The following NR3C2 variants were observed in gnomAD, a reference collection of about 807,000 sequenced individuals.
The protein encoded by NR3C2 is nuclear receptor subfamily 3 group C member 2, also known as mineralocorticoid receptor.
NR3C2 carries 15 observed loss-of-function variants against 86.4 expected under a neutral mutation model. That is an observed-to-expected ratio of 0.17 (90% CI 0.12 to 0.27). NR3C2 has a LOEUF of 0.27. NR3C2 is among the 10% of genes least tolerant of loss of function. The pLI, the probability that NR3C2 is intolerant of heterozygous loss-of-function variation, is 1.00. For missense variants in NR3C2, 960 were observed against 1,195.6 expected (o/e 0.80, Z 2.91); for synonymous variants, 458 against 450.5 (o/e 1.02, Z -0.21).
chr4:148,344,646 G>A (rs1744904557), intron 2 of NR3C2, among the ~76,000 whole-genome samples: 2 of 152,102 alleles, frequency 1.3e-5, no homozygotes, highest in South Asian at 4.1e-4. Flanking sequence ...TACCTCCACT[G>A]CTTCTCTATT....
chr4:148,165,757 T>C (rs1277000820), intron 4 of NR3C2, among the ~76,000 whole-genome samples: 1 of 152,192 alleles, frequency 6.6e-6, no homozygotes, highest in Non-Finnish European at 1.5e-5. Context: ...TGTGAATTGA[T>C]ACAAAAATAT....
upstream of NR3C2, chr4:148,443,938 C>T (rs1750476020): frequency 2.1e-6 from 2 of 947,858 alleles, no homozygotes; most frequent in African/African-American, 3.5e-5. Flanking sequence ...ACAGCGGCAG[C>T]GCCGCGAGCT....
In NR3C2 at chr4:148,081,098, A is replaced by T. The variant is rs2149701434; in HGVS notation, c.*246T>A. ...CTAGATATGGCTTTTCATCCCGAGG[A>T]ACAGGAACATGTTTCTAAGCGCTGG... On this transcript the variant is annotated 3_prime_UTR_variant, in exon 9 of 9. Transcript: ENST00000358102. 1 of 540,566 alleles carries T rather than the reference A, an allele frequency of 1.8e-6. No individual in the cohort carries two copies. Among genetic ancestry groups the T allele is most frequent in the East Asian group, 3.3e-5 (1 of 30,136 alleles). 33.5% of individuals were successfully genotyped at this position (540,566 alleles called of 1,614,324 possible).
intron 2 of NR3C2, among the ~76,000 whole-genome samples, chr4:148,293,304 G>C (rs1179455375): frequency 1.3e-5 from 2 of 152,208 alleles, no homozygotes; most frequent in Middle Eastern, 3.4e-3. Flanking sequence ...GCATGTGCAG[G>C]GAAATTATTT....
At chr4:148,089,854 G>A (rs7682951) in intron 8 of NR3C2, among the ~76,000 whole-genome samples, 311 of 152,330 alleles carry the variant, frequency 2.0e-3, no homozygotes, top group African/African-American at 7.0e-3. Context: ...CACACCCACC[G>A]CAGCGCTCGG....
At chr4:148,372,268 T>A (rs1475762677) in intron 2 of NR3C2, among the ~76,000 whole-genome samples, 2 of 152,206 alleles carry the variant, frequency 1.3e-5, no homozygotes, top group Non-Finnish European at 2.9e-5. Flanking sequence ...CTGAAAATGT[T>A]CTGATGACTT....
chr4:148,218,947 T>C (rs969505198), intron 3 of NR3C2, among the ~76,000 whole-genome samples: 4 of 152,238 alleles, frequency 2.6e-5, no homozygotes, highest in African/African-American at 9.6e-5. Flanking sequence ...TGTATGGGCA[T>C]ACATTTTCAT....
Position 148,260,045 on chromosome 4 carries a change from A to G in NR3C2, c.1830T>C (p.Ala610=). ...TGACTACCCCATAATGGCATCCTGA[A>G]GCCTCATCCCCACACACCAAACATA... The part of the protein sequence containing the change: ...SKICLVCGDE[A]SGCHYGVVTC... The change falls in exon 3 of 9, where the codon GCT becomes GCC. Residue 610 remains alanine, a synonymous_variant. Coordinates refer to ENST00000358102, the MANE Select transcript of NR3C2 (RefSeq NM_000901.5). The G allele has an allele frequency of 6.2e-7, 1 of 1,614,174 alleles. No homozygotes were observed.
intron 8 of NR3C2, among the ~76,000 whole-genome samples, chr4:148,097,140 T>A (rs1731312759): frequency 6.6e-6 from 1 of 152,132 alleles, no homozygotes; most frequent in South Asian, 2.1e-4. Flanking sequence ...TTAGAAAGAA[T>A]CCTAGCACCT....
At chr4:148,281,020 C>T (rs1421300325) in intron 2 of NR3C2, among the ~76,000 whole-genome samples, 2 of 152,224 alleles carry the variant, frequency 1.3e-5, no homozygotes, top group Non-Finnish European at 2.9e-5. Context: ...TGGGCTAGAG[C>T]TGTGGCACCT....
At chr4:148,100,991 C>T (rs1445884175) in intron 8 of NR3C2, among the ~76,000 whole-genome samples, 1 of 151,782 alleles carries the variant, frequency 6.6e-6, no homozygotes, top group Non-Finnish European at 1.5e-5. Flanking sequence ...TGTCTCCTCA[C>T]ATGAGCTACT....
intron 3 of NR3C2, among the ~76,000 whole-genome samples, chr4:148,247,346 C>T (rs1374192886): frequency 6.6e-6 from 1 of 152,134 alleles, no homozygotes; most frequent in Non-Finnish European, 1.5e-5. Context: ...CTATAAATTA[C>T]AACTTAGTCT....
intron 3 of NR3C2, among the ~76,000 whole-genome samples, chr4:148,231,793 C>A (rs1738476551): frequency 1.3e-5 from 2 of 152,202 alleles, no homozygotes; most frequent in Admixed American, 1.3e-4. Context: ...TCTACCACTG[C>A]TGTGTCAACT....
At chr4:148,410,192 A>G (rs1213187685) in intron 2 of NR3C2, among the ~76,000 whole-genome samples, 1 of 152,220 alleles carries the variant, frequency 6.6e-6, no homozygotes, top group Non-Finnish European at 1.5e-5. Context: ...TAAATTTCCC[A>G]TTGTTATGAA....
chr4:148,290,451 A>C (rs1741743737), intron 2 of NR3C2, among the ~76,000 whole-genome samples: 1 of 152,196 alleles, frequency 6.6e-6, no homozygotes, highest in South Asian at 2.1e-4. Context: ...AACTACAGAA[A>C]ATGTGAGATA....
chr4:148,373,066 C>T (rs772996885), intron 2 of NR3C2, among the ~76,000 whole-genome samples: 18 of 152,188 alleles, frequency 1.2e-4, no homozygotes, highest in Non-Finnish European at 2.5e-4. Flanking sequence ...TTAAACATTA[C>T]TTCTTAAAGC....
chr4:148,399,153 G>C (rs566142949), intron 2 of NR3C2, among the ~76,000 whole-genome samples: 1 of 152,244 alleles, frequency 6.6e-6, no homozygotes, highest in East Asian at 1.9e-4. Context: ...CCTTAAAACA[G>C]TGGCCTCTTG....
At chr4:148,169,458 T>G (rs543270049) in intron 4 of NR3C2, among the ~76,000 whole-genome samples, 3 of 151,846 alleles carry the variant, frequency 2.0e-5, no homozygotes, top group Non-Finnish European at 4.4e-5. Context: ...AGATATACTA[T>G]GTAGCTACTT....
intron 8 of NR3C2, among the ~76,000 whole-genome samples, chr4:148,087,842 T>C (rs751285770): frequency 2.6e-5 from 4 of 152,070 alleles, no homozygotes; most frequent in Non-Finnish European, 5.9e-5. Context: ...CCAAAAGCAA[T>C]GGCAACAACA....
Sources: gnomAD v4.1 joint callset for allele counts (sites outside exome capture counted in the v4.1 genomes callset) on GRCh38, gnomAD v4.1.1 for gene constraint, MANE v1.5 for transcripts, NCBI Gene and HGNC (gene_info 2026-07-23, HGNC 2026-07-21) for gene names.